The following TMEM33 variants were observed in gnomAD, a reference collection of about 807,000 sequenced individuals.
TMEM33 encodes the protein transmembrane protein 33.
In TMEM33, 16 loss-of-function variants were observed where a neutral mutation model predicts 29.7. That is an observed-to-expected ratio of 0.54 (90% CI 0.36 to 0.82). The LOEUF is 0.82. Among genes scored for constraint, TMEM33 ranks in the 40% least tolerant of loss-of-function variants. The pLI, the probability that TMEM33 is intolerant of heterozygous loss-of-function variation, is 0.00. For missense variants in TMEM33, 252 were observed against 295.3 expected (o/e 0.85, Z 1.08); for synonymous variants, 112 against 109.4 (o/e 1.02, Z -0.15).
At position 41,957,527 on chromosome 4, in the gene TMEM33, T is replaced by C. The variant is rs1713318809; in HGVS notation, c.*3328T>C. ...AGGTTAGGTTTCTAAGTTTAGGACA[T>C]GAATATTATTTTTTTCTGGAAAAGA... On this transcript the variant is annotated 3_prime_UTR_variant, in exon 7 of 7. Coordinates refer to ENST00000504986, the MANE Select transcript of TMEM33 (RefSeq NM_018126.3). 1 of 151,916 alleles carries C rather than the reference T, an allele frequency of 6.6e-6. No individual in the cohort carries two copies. Among genetic ancestry groups the C allele is most frequent in the Non-Finnish European group, 1.5e-5 (1 of 67,972 alleles). The allele number at this position is 151,916 out of a possible 1,614,324, so 9.4% of individuals were successfully genotyped here.
At chr4:41,947,619 A>G (rs1002179222) in intron 5 of TMEM33, among the ~76,000 whole-genome samples, 2 of 152,192 alleles carry the variant, frequency 1.3e-5, no homozygotes, top group African/African-American at 4.8e-5. Context: ...GAAAAATTAA[A>G]ATCAGCTTAT....
In TMEM33 at chr4:41,954,429, C is replaced by A; in HGVS notation, c.*230C>A. ...TGCTAATGGTTAAAGAAGTCTGTAT[C>A]TAGTGATAAATATACCAGTTTTTTT... On this transcript the variant is annotated 3_prime_UTR_variant, in exon 7 of 7. Transcript: ENST00000504986. The A allele has an allele frequency of 3.0e-6, 1 of 329,452 alleles. No individual in the cohort carries two copies. 20.4% of individuals were successfully genotyped at this position (329,452 alleles called of 1,614,324 possible).
At chr4:41,944,747 C>G (rs772192507) in intron 4 of TMEM33, 46 bp from the exon 5 acceptor site, 2 of 1,597,468 alleles carry the variant, frequency 1.3e-6, no homozygotes, top group South Asian at 2.3e-5. Flanking sequence ...ATATTGTTAT[C>G]AGAAATGCTT....
At position 41,957,748 on chromosome 4, in the gene TMEM33, A is replaced by C; in HGVS notation, c.*3549A>C. 6.6e-6 allele frequency: 1 copy of C among 152,174 alleles called. No individual in the cohort carries two copies. The highest frequency in any genetic ancestry group is 2.4e-5 in the African/African-American group (1 of 41,438). The allele number at this position is 152,174 out of a possible 1,614,324, so 9.4% of individuals were successfully genotyped here. On this transcript the variant is annotated 3_prime_UTR_variant, in exon 7 of 7. Coordinates refer to ENST00000504986, the MANE Select transcript of TMEM33 (RefSeq NM_018126.3). ...TTCCTTAATCTCCTTAGAATCTGAC[A>C]GTCTCAAAGCTGTCACACAAATTAG...
intron 3 of TMEM33, among the ~76,000 whole-genome samples, chr4:41,942,696 G>A (rs1712596112): frequency 6.6e-6 from 1 of 151,944 alleles, no homozygotes; most frequent in African/African-American, 2.4e-5. Flanking sequence ...GTGGAGAATG[G>A]GGTCTTTTGA....
At chr4:41,948,617 A>G (rs1300120798) in intron 5 of TMEM33, among the ~76,000 whole-genome samples, 2 of 152,108 alleles carry the variant, frequency 1.3e-5, no homozygotes, top group South Asian at 2.1e-4. Flanking sequence ...GTTGCTATGT[A>G]ATTTTCATAA....
In TMEM33 at chr4:41,935,433, C is replaced by T. The variant is rs1560514377; in HGVS notation, c.-52C>T. On this transcript the variant is annotated 5_prime_UTR_variant, in exon 1 of 7. Transcript: ENST00000504986. Reference sequence around the variant, plus strand: ...GCCCCAGCGCTGACGTTTTCTCTCCCCTTTCTTCTCTCTTCGCGGTTGCGG... The same window carrying T: ...GCCCCAGCGCTGACGTTTTCTCTCCTCTTTCTTCTCTCTTCGCGGTTGCGG... The T allele has an allele frequency of 1.9e-6, 3 of 1,566,832 alleles. No individual in the cohort carries two copies. The Admixed American group carries it at 5.6e-5, about 30-fold the overall frequency.
intron 4 of TMEM33, 111 bp downstream of exon 4, chr4:41,943,925 C>G: frequency 1.1e-6 from 1 of 903,192 alleles, no homozygotes; most frequent in African/African-American, 1.7e-5. Flanking sequence ...ACCTTACAAA[C>G]TTGTTATGAA....
intron 5 of TMEM33, among the ~76,000 whole-genome samples, chr4:41,948,528 G>A (rs566795120): frequency 1.1e-3 from 173 of 151,652 alleles, no homozygotes; most frequent in Non-Finnish European, 2.1e-3. Flanking sequence ...AACACATTTG[G>A]CATCTTAATA....
At chr4:41,953,277 G>C (rs1489330341) in intron 6 of TMEM33, among the ~76,000 whole-genome samples, 1 of 152,150 alleles carries the variant, frequency 6.6e-6, no homozygotes, top group African/African-American at 2.4e-5. Flanking sequence ...TGTGGGAGTG[G>C]TTCCAGACTA....
Position 41,954,441 on chromosome 4 carries a change from A to G in TMEM33, c.*242A>G, listed in dbSNP as rs896735760. The stretch of plus-strand genomic sequence containing the variant: ...AAGAAGTCTGTATCTAGTGATAAAT[A>G]TACCAGTTTTTTTAAAAAGATGCTG... On this transcript the variant is annotated 3_prime_UTR_variant, in exon 7 of 7. Coordinates refer to ENST00000504986, the MANE Select transcript of TMEM33 (RefSeq NM_018126.3). The G allele has an allele frequency of 1.4e-5, 4 of 285,178 alleles. No homozygotes were observed. Among genetic ancestry groups the G allele is most frequent in the Non-Finnish European group, 2.6e-5 (4 of 153,094 alleles). 17.7% of individuals were successfully genotyped at this position (285,178 alleles called of 1,614,324 possible). A position where few individuals can be genotyped will look rare whatever the true frequency, so the allele number is the denominator to read the frequency against.
At position 41,958,533 on chromosome 4, in the gene TMEM33, A is replaced by G. The variant is rs1713354654; in HGVS notation, c.*4334A>G. Reference sequence around the variant, plus strand: ...AAAAAATGGTACTTAAAGTGTTTTCATGATCATTTTGTAGGTAGACTAGAT... The same window carrying G: ...AAAAAATGGTACTTAAAGTGTTTTCGTGATCATTTTGTAGGTAGACTAGAT... On this transcript the variant is annotated 3_prime_UTR_variant, in exon 7 of 7. Coordinates refer to ENST00000504986, the MANE Select transcript of TMEM33 (RefSeq NM_018126.3). 1 of 151,444 alleles carries G rather than the reference A, an allele frequency of 6.6e-6. No homozygotes were observed. Among genetic ancestry groups the G allele is most frequent in the African/African-American group, 2.4e-5 (1 of 40,832 alleles). The allele number at this position is 151,444 out of a possible 1,614,324, so 9.4% of individuals were successfully genotyped here.
At chr4:41,939,577 G>A in intron 3 of TMEM33, 194 bp downstream of exon 3, 1 of 637,200 alleles carries the variant, frequency 1.6e-6, no homozygotes, top group Non-Finnish European at 2.7e-6. Context: ...GCTGATTTAG[G>A]AATTTTAAAC....
intron 4 of TMEM33, chr4:41,944,228 T>C (rs148128259): frequency 0.013 from 2,264 of 177,662 alleles, 58 homozygotes; most frequent in African/African-American, 0.051. Context: ...AAATTCTTTC[T>C]TATTGCTAGG....
At chr4:41,944,141 A>G (rs1008425216) in intron 4 of TMEM33, 5 of 281,580 alleles carry the variant, frequency 1.8e-5, no homozygotes, top group Non-Finnish European at 3.3e-5. Context: ...GTCAGTGTTT[A>G]ATTCTGGCAT....
intron 6 of TMEM33, among the ~76,000 whole-genome samples, chr4:41,952,969 C>T (rs1350014633): frequency 6.6e-6 from 1 of 151,796 alleles, no homozygotes; most frequent in African/African-American, 2.4e-5. Flanking sequence ...TTTTCTTGTT[C>T]TGTTTTAAAA....
At chr4:41,941,640 A>G (rs1712547038) in intron 3 of TMEM33, among the ~76,000 whole-genome samples, 1 of 152,216 alleles carries the variant, frequency 6.6e-6, no homozygotes, top group Non-Finnish European at 1.5e-5. Flanking sequence ...GTTGAAGATT[A>G]AGGATTTCAT....
chr4:41,942,946 A>G (rs924826907), intron 3 of TMEM33, among the ~76,000 whole-genome samples: 6 of 152,242 alleles, frequency 3.9e-5, no homozygotes, highest in Non-Finnish European at 8.8e-5. Context: ...GTAGGAAAGA[A>G]GTAATAAAAG....
chr4:41,937,165 T>C (rs2153126275), intron 1 of TMEM33, among the ~76,000 whole-genome samples: 1 of 152,120 alleles, frequency 6.6e-6, no homozygotes, highest in African/African-American at 2.4e-5. Context: ...GTGTACAAAA[T>C]GAAACGCATA....
Sources: gnomAD v4.1 joint callset for allele counts (sites outside exome capture counted in the v4.1 genomes callset) on GRCh38, gnomAD v4.1.1 for gene constraint, MANE v1.5 for transcripts, NCBI Gene and HGNC (gene_info 2026-07-23, HGNC 2026-07-21) for gene names.